The following MAPK8 variants were observed in gnomAD, a reference collection of about 807,000 sequenced individuals.
The protein encoded by MAPK8 is JUN N-terminal kinase.
A neutral mutation model predicts 52.9 loss-of-function variants in MAPK8; 13 were observed. The ratio of observed to expected loss-of-function variants is 0.25; its 90% confidence interval spans 0.16 to 0.39. The LOEUF is 0.39. Ranked by LOEUF, MAPK8 falls within the 10% of genes least tolerant of loss-of-function variation. The pLI, the probability that MAPK8 is intolerant of heterozygous loss-of-function variation, is 1.00. For synonymous variants in MAPK8, 191 were observed against 169.8 expected (o/e 1.12, Z -0.97); for missense variants, 300 against 519.2 (o/e 0.58, Z 4.10).
intron 1 of MAPK8, among the ~76,000 whole-genome samples, chr10:48,350,442 T>A (rs1846199955): frequency 6.6e-6 from 1 of 152,204 alleles, no homozygotes; most frequent in African/African-American, 2.4e-5. Flanking sequence ...GCTTCATCCC[T>A]GGGATGCAAG....
rs955914561 is a variant in MAPK8, at chr10:48,427,650, C to A, written c.1060+507C>A. ...GGGACTACAGGCGCCTGCCATCACACCCGGCTAATTTTTTTGTATTTTTAG... is the reference window on the plus strand; with the variant it reads ...GGGACTACAGGCGCCTGCCATCACAACCGGCTAATTTTTTTGTATTTTTAG... On this transcript the variant is annotated intron_variant, in intron 10 of 11. Transcript: ENST00000374189. Among the ~76,000 whole-genome samples the A allele has an allele frequency of 3.9e-5, 6 of 152,234 alleles. No homozygotes were observed. In the South Asian group the frequency reaches 1.2e-3, roughly 32 times the overall value.
intron 1 of MAPK8, among the ~76,000 whole-genome samples, chr10:48,317,939 AC>A (rs914149445): frequency 2.0e-5 from 3 of 146,788 alleles, no homozygotes; most frequent in South Asian, 2.3e-4. Flanking sequence ...TGGTTTTGTG[AC>A]CCCCCACCCC....
intron 1 of MAPK8, among the ~76,000 whole-genome samples, chr10:48,324,371 T>A (rs1843272004): frequency 6.6e-6 from 1 of 152,198 alleles, no homozygotes; most frequent in Admixed American, 6.5e-5. Flanking sequence ...TATTCTTCCA[T>A]CTTATTCTGC....
At chr10:48,352,167 C>T (rs1015156261) in intron 1 of MAPK8, among the ~76,000 whole-genome samples, 1 of 152,020 alleles carries the variant, frequency 6.6e-6, no homozygotes, top group Non-Finnish European at 1.5e-5. Context: ...AAAATAGGCC[C>T]GAATGATTTC....
intron 6 of MAPK8, among the ~76,000 whole-genome samples, chr10:48,423,742 CAT>C (rs2043503167): frequency 6.6e-6 from 1 of 152,110 alleles, no homozygotes; most frequent in Non-Finnish European, 1.5e-5. Context: ...TTTACTACCT[CAT>C]GTACATTTTT....
chr10:48,322,624 G>GCCCCACATGC (rs371525282), intron 1 of MAPK8, among the ~76,000 whole-genome samples: 1,647 of 152,166 alleles, frequency 0.011, 30 homozygotes, highest in African/African-American at 0.038. Context: ...GATGTTATCA[G>GCCCCACATGC]CCCCACATGC....
At chr10:48,307,868 G>A (rs141365611) in intron 1 of MAPK8, among the ~76,000 whole-genome samples, 16 of 152,332 alleles carry the variant, frequency 1.1e-4, no homozygotes, top group African/African-American at 3.6e-4. Flanking sequence ...GGTTTGGTGT[G>A]AAGGTAAAGT....
intron 1 of MAPK8, among the ~76,000 whole-genome samples, chr10:48,354,038 C>T (rs1846602751): frequency 1.3e-5 from 2 of 152,060 alleles, no homozygotes; most frequent in Non-Finnish European, 1.5e-5. Flanking sequence ...TGTCAGTTTC[C>T]TAGTTTTGAT....
intron 1 of MAPK8, among the ~76,000 whole-genome samples, chr10:48,325,396 G>A (rs1469866332): frequency 6.6e-6 from 1 of 152,060 alleles, no homozygotes; most frequent in African/African-American, 2.4e-5. Context: ...TACCAATTTT[G>A]AAAATTTAAC....
rs907388105 is a variant in MAPK8, at chr10:48,381,334, T to A, written c.-49-20278T>A. On this transcript the variant is annotated intron_variant, in intron 1 of 11. Coordinates refer to ENST00000374189, the MANE Select transcript of MAPK8 (RefSeq NM_001323329.2). ...CTTTAACCTCTAAACTAGGCAAAAT[T>A]ACTTTTCCTTTAGCAAAACTCACAC... 2.6e-5 allele frequency among the ~76,000 whole-genome samples: 4 copies of A among 152,208 alleles called. No individual in the cohort carries two copies. In the East Asian group the frequency reaches 7.7e-4, roughly 29 times the overall value.
intron 1 of MAPK8, among the ~76,000 whole-genome samples, chr10:48,326,699 C>T (rs1843556230): frequency 6.6e-6 from 1 of 151,778 alleles, no homozygotes; most frequent in South Asian, 2.1e-4. Flanking sequence ...TATTTGTAAC[C>T]ATCTGTATCT....
chr10:48,358,816 C>A (rs967966264), intron 1 of MAPK8, among the ~76,000 whole-genome samples: 2 of 152,054 alleles, frequency 1.3e-5, no homozygotes, highest in African/African-American at 4.8e-5. Flanking sequence ...CTAATGTATT[C>A]TTTGTGCATG....
At chr10:48,309,779 C>T (rs980671090) in intron 1 of MAPK8, among the ~76,000 whole-genome samples, 1 of 152,116 alleles carries the variant, frequency 6.6e-6, no homozygotes, top group African/African-American at 2.4e-5. Context: ...CTTTGTTGCA[C>T]GAGTGGAAAT....
intron 11 of MAPK8, among the ~76,000 whole-genome samples, chr10:48,433,418 T>C (rs973777719): frequency 6.6e-6 from 1 of 152,208 alleles, no homozygotes; most frequent in African/African-American, 2.4e-5. Flanking sequence ...AGATATACCA[T>C]ACTGTTCAGT....
At chr10:48,313,580 T>C (rs1402822745) in intron 1 of MAPK8, among the ~76,000 whole-genome samples, 1 of 152,248 alleles carries the variant, frequency 6.6e-6, no homozygotes, top group East Asian at 1.9e-4. Flanking sequence ...ACGTTTGTAC[T>C]AAACTTATTT....
At chr10:48,411,513 G>T (rs560047507) in intron 5 of MAPK8, among the ~76,000 whole-genome samples, 4 of 152,168 alleles carry the variant, frequency 2.6e-5, no homozygotes, top group Admixed American at 2.6e-4. Context: ...ACATTATTTT[G>T]ATCACTTTTA....
chr10:48,359,510 C>T (rs925350818), intron 1 of MAPK8, among the ~76,000 whole-genome samples: 1 of 152,032 alleles, frequency 6.6e-6, no homozygotes, highest in African/African-American at 2.4e-5. Flanking sequence ...CTAGCCCTAT[C>T]AGATATCGAT....
At chr10:48,318,633 C>T (rs544292413) in intron 1 of MAPK8, among the ~76,000 whole-genome samples, 1 of 152,102 alleles carries the variant, frequency 6.6e-6, no homozygotes, top group South Asian at 2.1e-4. Context: ...TGTGGGCTTC[C>T]GAGGTGGAAT....
At chr10:48,420,410 A>G in intron 6 of MAPK8, 90 bp downstream of exon 6, 1 of 1,222,680 alleles carries the variant, frequency 8.2e-7, no homozygotes, top group South Asian at 1.8e-5. Flanking sequence ...AAGCAGAAGT[A>G]CGTTGAGTTA....
Sources: gnomAD v4.1 joint callset for allele counts (sites outside exome capture counted in the v4.1 genomes callset) on GRCh38, gnomAD v4.1.1 for gene constraint, MANE v1.5 for transcripts, NCBI Gene and HGNC (gene_info 2026-07-23, HGNC 2026-07-21) for gene names.